The following FOXF2 variants were observed in gnomAD, a reference collection of about 807,000 sequenced individuals.
FOXF2 encodes the protein forkhead box F2, also known as forkhead box protein F2.
In FOXF2, 15 loss-of-function variants were observed where a neutral mutation model predicts 29.1. That is an observed-to-expected ratio of 0.52 (90% CI 0.35 to 0.79). The LOEUF is 0.79. Ranked by LOEUF, FOXF2 falls within the 30% of genes least tolerant of loss-of-function variation. FOXF2 has a pLI of 0.01. For synonymous variants in FOXF2, 337 were observed against 316.5 expected (o/e 1.06, Z -0.69); for missense variants, 675 against 667.1 (o/e 1.01, Z -0.13).
At position 1,390,784 on chromosome 6, in the gene FOXF2, C is replaced by A; in HGVS notation, c.837C>A (p.Asn279Lys). 7.2e-7 allele frequency: 1 copy of A among 1,389,720 alleles called. No individual in the cohort carries two copies. Among genetic ancestry groups the A allele is most frequent in the Admixed American group, 3.6e-5 (1 of 27,430 alleles). The allele number at this position is 1,389,720 out of a possible 1,614,324, so 86.1% of individuals were successfully genotyped here. The change falls in exon 1 of 2, where the codon AAC becomes AAA. Residue 279 changes from asparagine to lysine, a missense_variant. Asn to Lys is a moderately conservative substitution (Grantham distance 94, BLOSUM62 0). Coordinates refer to ENST00000645481, the MANE Select transcript of FOXF2 (RefSeq NM_001452.2). The surrounding 1 kb of genome is among the most constrained non-coding windows in gnomAD (Gnocchi z 8.5). Reference sequence around the variant, plus strand: ...ACCACGTCCCGCACATGTCGCCCAACCCGGGTTCCACCTACATGGCCAGCT... The same window carrying A: ...ACCACGTCCCGCACATGTCGCCCAAACCGGGTTCCACCTACATGGCCAGCT... The part of the protein sequence containing the change: ...HHHHVPHMSP[N>K]PGSTYMASCP...
In FOXF2 at chr6:1,395,015, A is replaced by G. The variant is rs1023250365; in HGVS notation, c.*156A>G. Reference sequence around the variant, plus strand: ...GCCCAGGATCGCGTTGGTCACTGTTATTTGCCTACTGCTGGAAGAAGGACA... The same window carrying G: ...GCCCAGGATCGCGTTGGTCACTGTTGTTTGCCTACTGCTGGAAGAAGGACA... On this transcript the variant is annotated 3_prime_UTR_variant, in exon 2 of 2. Coordinates refer to ENST00000645481, the MANE Select transcript of FOXF2 (RefSeq NM_001452.2). 96 of 736,360 alleles carry G rather than the reference A, an allele frequency of 1.3e-4. 1 individual carries two copies. In the African/African-American group the frequency reaches 1.6e-3, roughly 12 times the overall value. 45.6% of individuals were successfully genotyped at this position (736,360 alleles called of 1,614,324 possible).
At position 1,390,361 on chromosome 6, in the gene FOXF2, C is replaced by G. The variant is rs1389038288; in HGVS notation, c.414C>G (p.Arg138=). Residue 138 remains arginine (R), a synonymous_variant, in exon 1 of 2, where the codon CGC becomes CGG. Transcript: ENST00000645481. This position sits in a 1 kb window ranked among gnomAD's most constrained non-coding sequence, Gnocchi z 8.5. ...TGCAGGCGCGCTTCCCCTTCTTCCG[C>G]GGCGCCTACCAGGGCTGGAAGAACT... ...QFLQARFPFF[R]GAYQGWKNSV... 1 of 1,612,648 alleles carries G rather than the reference C, an allele frequency of 6.2e-7. No individual in the cohort carries two copies. Among genetic ancestry groups the G allele is most frequent in the African/African-American group, 1.3e-5 (1 of 74,936 alleles).
In FOXF2 at chr6:1,390,406, G is replaced by C; in HGVS notation, c.459G>C (p.Ser153=). ...AGAACTCGGTGCGCCACAATCTCTC[G>C]CTCAACGAGTGCTTCATCAAGCTGC... ...GWKNSVRHNL[S]LNECFIKLPK... The change falls in exon 1 of 2, where the codon TCG becomes TCC. Residue 153 remains serine, a synonymous_variant. Coordinates refer to ENST00000645481, the MANE Select transcript of FOXF2 (RefSeq NM_001452.2). The surrounding 1 kb of genome is among the most constrained non-coding windows in gnomAD (Gnocchi z 8.5). 1 of 1,611,804 alleles carries C rather than the reference G, an allele frequency of 6.2e-7. No homozygotes were observed. Among genetic ancestry groups the C allele is most frequent in the Non-Finnish European group, 8.5e-7 (1 of 1,179,934 alleles).
Position 1,394,813 on chromosome 6 carries a change from A to C in FOXF2, c.1289A>C (p.His430Pro), listed in dbSNP as rs375909051. 6.2e-7 allele frequency: 1 copy of C among 1,614,136 alleles called. No homozygotes were observed. Among genetic ancestry groups the C allele is most frequent in the South Asian group, 1.1e-5 (1 of 91,084 alleles). Residue 430 changes from histidine to proline, a missense_variant, in exon 2 of 2, where the codon CAT becomes CCT. His to Pro is a moderately conservative substitution (Grantham distance 77). Coordinates refer to ENST00000645481, the MANE Select transcript of FOXF2 (RefSeq NM_001452.2). ...HPSASGSYYH[H>P]HHQSVCQDIK... is the part of the protein sequence containing the mutation. ...TCAGCTAGCGGGTCGTATTATCACC[A>C]TCACCACCAGAGCGTCTGTCAGGAT...
At position 1,390,019 on chromosome 6, in the gene FOXF2, G is replaced by T; in HGVS notation, c.72G>T (p.Gln24His). ...GCAGCCCGGTCCCCGGCGCGCTCCA[G>T]GCCGCCCTGATGAGCCCGCCGCCCG... ...RACSPVPGALQAALMSPPPAA... is the reference protein window; with the variant it reads ...RACSPVPGALHAALMSPPPAA... The change falls in exon 1 of 2, where the codon CAG becomes CAT. Residue 24 changes from glutamine (Q) to histidine (H), a missense_variant. Gln to His is a conservative substitution (Grantham distance 24, BLOSUM62 0). Coordinates refer to ENST00000645481, the MANE Select transcript of FOXF2 (RefSeq NM_001452.2). This position sits in a 1 kb window ranked among gnomAD's most constrained non-coding sequence, Gnocchi z 8.5. 1 of 1,266,736 alleles carries T rather than the reference G, an allele frequency of 7.9e-7. No homozygotes were observed. 78.5% of individuals were successfully genotyped at this position (1,266,736 alleles called of 1,614,324 possible).
rs1365181298 is a variant in FOXF2, at chr6:1,390,040, G to A, written c.93G>A (p.Pro31=). The A allele has an allele frequency of 2.2e-6, 3 of 1,357,648 alleles. No homozygotes were observed. The highest frequency in any genetic ancestry group is 1.9e-6 in the Non-Finnish European group (2 of 1,052,390). The allele number at this position is 1,357,648 out of a possible 1,614,324, so 84.1% of individuals were successfully genotyped here. A position where few individuals can be genotyped will look rare whatever the true frequency, so the allele number is the denominator to read the frequency against. ...TCCAGGCCGCCCTGATGAGCCCGCCGCCCGCCGCCGCCGCCGCCGCCGCCG... is the reference window on the plus strand; with the variant it reads ...TCCAGGCCGCCCTGATGAGCCCGCCACCCGCCGCCGCCGCCGCCGCCGCCG... ...GALQAALMSP[P]PAAAAAAAAA... Residue 31 remains proline, a synonymous_variant, in exon 1 of 2, where the codon CCG becomes CCA. Transcript: ENST00000645481. This position sits in a 1 kb window ranked among gnomAD's most constrained non-coding sequence, Gnocchi z 8.5.
intron 1 of FOXF2, 74 bp from the exon 2 acceptor site, chr6:1,394,622 G>C (rs1758862197): frequency 6.8e-6 from 10 of 1,479,888 alleles, no homozygotes; most frequent in Non-Finnish European, 9.4e-6. Flanking sequence ...TGTACTCTGA[G>C]GCAAAATAAG....
At chr6:1,393,321 C>G (rs1482764727) in intron 1 of FOXF2, among the ~76,000 whole-genome samples, 3 of 152,034 alleles carry the variant, frequency 2.0e-5, no homozygotes, top group African/African-American at 7.2e-5. Context: ...CTTCTGTCAT[C>G]CCGCTCAGCA....
At chr6:1,392,302 AC>A (rs1363566705) in intron 1 of FOXF2, among the ~76,000 whole-genome samples, 2 of 152,202 alleles carry the variant, frequency 1.3e-5, no homozygotes, top group African/African-American at 2.4e-5. Flanking sequence ...GCAGGACCAC[AC>A]CGGAGAGGAT....
rs773716838 is a variant in FOXF2, at chr6:1,394,882, C to T, written c.*23C>T. On this transcript the variant is annotated 3_prime_UTR_variant, in exon 2 of 2. Transcript: ENST00000645481. ...TGAACGGAAAGAGGCCAAGCGATGG[C>T]CGCTCTCTCCTCTCCCCTCCTCAGA... 80 of 1,612,894 alleles carry T rather than the reference C, an allele frequency of 5.0e-5. No homozygotes were observed. Among genetic ancestry groups the T allele is most frequent in the Non-Finnish European group, 6.6e-5 (78 of 1,179,082 alleles).
rs1758770513 is a variant in FOXF2 at position 1,390,822 on chromosome 6, C to A, written c.875C>A (p.Ala292Glu). 7.2e-7 allele frequency: 1 copy of A among 1,389,034 alleles called. No individual in the cohort carries two copies. The allele number at this position is 1,389,034 out of a possible 1,614,324, so 86.0% of individuals were successfully genotyped here. A position where few individuals can be genotyped will look rare whatever the true frequency, so the allele number is the denominator to read the frequency against. ...TACATGGCCAGCTGCCCGGTGCCCG[C>A]GGGACCCGGGGGCGTCGGTGCGGCC... ...STYMASCPVP[A>E]GPGGVGAAGG... The change falls in exon 1 of 2, where the codon GCG becomes GAG. Residue 292 changes from alanine to glutamate, a missense_variant. Physicochemically the swap from Ala to Glu is moderately radical, Grantham distance 107. Transcript: ENST00000645481. This position sits in a 1 kb window ranked among gnomAD's most constrained non-coding sequence, Gnocchi z 8.5.
rs1188443270 is a variant in FOXF2, at chr6:1,390,355, C to G, written c.408C>G (p.Phe136Leu). The G allele has an allele frequency of 6.2e-7, 1 of 1,613,028 alleles. No individual in the cohort carries two copies. Among genetic ancestry groups the G allele is most frequent in the Admixed American group, 1.7e-5 (1 of 60,034 alleles). The change falls in exon 1 of 2, where the codon TTC (phenylalanine) becomes TTG (leucine). Residue 136 changes from phenylalanine to leucine, a missense_variant. Coordinates refer to ENST00000645481, the MANE Select transcript of FOXF2 (RefSeq NM_001452.2). The surrounding 1 kb of genome is among the most constrained non-coding windows in gnomAD (Gnocchi z 8.5). ...IYQFLQARFP[F>L]FRGAYQGWKN... The stretch of plus-strand genomic sequence containing the variant: ...AGTTCCTGCAGGCGCGCTTCCCCTT[C>G]TTCCGCGGCGCCTACCAGGGCTGGA...
Position 1,390,949 on chromosome 6 carries a change from G to T in FOXF2, c.1002G>T (p.Thr334=), listed in dbSNP as rs755313868. 2 of 1,588,270 alleles carry T rather than the reference G, an allele frequency of 1.3e-6. No homozygotes were observed. The highest frequency in any genetic ancestry group is 2.3e-5 in the South Asian group (2 of 88,882). The change falls in exon 1 of 2, where the codon ACG becomes ACT. Residue 334 remains threonine, a synonymous_variant. Coordinates refer to ENST00000645481, the MANE Select transcript of FOXF2 (RefSeq NM_001452.2). This position sits in a 1 kb window ranked among gnomAD's most constrained non-coding sequence, Gnocchi z 8.5. ...CCATCGAATGCCACTCGCCCTACAC[G>T]AGCCCTGCGGCGCACTGGAGCTCGC... The part of the protein sequence containing the change: ...ASAIECHSPY[T]SPAAHWSSPG...
chr6:1,392,023 C>T (rs901727806), intron 1 of FOXF2, among the ~76,000 whole-genome samples: 5 of 152,144 alleles, frequency 3.3e-5, no homozygotes, highest in African/African-American at 9.7e-5. Context: ...CTCGGAGCAC[C>T]TAGGGCTGCA....
chr6:1,394,436 A>G (rs2113372638), intron 1 of FOXF2, among the ~76,000 whole-genome samples: 1 of 152,272 alleles, frequency 6.6e-6, no homozygotes, highest in East Asian at 1.9e-4. Flanking sequence ...GAATTCCAGG[A>G]CATAAGAATC....
chr6:1,393,144 T>C (rs1051374388), intron 1 of FOXF2, among the ~76,000 whole-genome samples: 1 of 151,918 alleles, frequency 6.6e-6, no homozygotes, highest in Non-Finnish European at 1.5e-5. Context: ...GATCAGCACA[T>C]GTCTACGCGC....
chr6:1,391,369 G>A (rs1019318486), intron 1 of FOXF2, among the ~76,000 whole-genome samples: 6 of 152,240 alleles, frequency 3.9e-5, no homozygotes, highest in African/African-American at 9.6e-5. Flanking sequence ...GTGGTGTAAA[G>A]TCCCCTGCCT....
At chr6:1,391,701 A>G (rs1409004832) in intron 1 of FOXF2, among the ~76,000 whole-genome samples, 2 of 152,050 alleles carry the variant, frequency 1.3e-5, no homozygotes, top group Non-Finnish European at 2.9e-5. Context: ...GGAGGGGGTC[A>G]CCAAACTGTT....
chr6:1,392,347 T>G (rs970723667), intron 1 of FOXF2, among the ~76,000 whole-genome samples: 16 of 152,034 alleles, frequency 1.1e-4, no homozygotes, highest in African/African-American at 3.9e-4. Context: ...GAACAGAGTC[T>G]TGTTCAATTT....
Sources: allele counts gnomAD v4.1 joint callset (sites outside exome capture counted in the v4.1 genomes callset), GRCh38; gene constraint gnomAD v4.1.1; non-coding constraint Gnocchi (gnomAD v3.1); transcripts MANE v1.5; gene names NCBI Gene and HGNC (gene_info 2026-07-23, HGNC 2026-07-21).